Variants in HLCS observed in about 807,000 individuals in gnomAD.
HLCS encodes holocarboxylase synthetase, also known as biotin--protein ligase.
HLCS carries 53 observed loss-of-function variants against 75.0 expected under a neutral mutation model. The ratio of observed to expected loss-of-function variants is 0.71; its 90% CI spans 0.57 to 0.89. The LOEUF (loss-of-function observed/expected upper bound fraction) is 0.89, where lower values mean the gene tolerates loss of function less well. Ranked by LOEUF, HLCS falls within the 40% of genes least tolerant of loss-of-function variation. The pLI is 0.00. For missense variants in HLCS, 966 were observed against 1,074.0 expected (o/e 0.90, Z 1.41); for synonymous variants, 431 against 428.6 (o/e 1.01, Z -0.07).
At chr21:36,901,281 A>C (rs1483692734) in intron 5 of HLCS, among the ~76,000 whole-genome samples, 1 of 152,140 alleles carries the variant, frequency 6.6e-6, no homozygotes, top group African/African-American at 2.4e-5. Flanking sequence ...AATCCCTTGA[A>C]AACAATGAAT....
At chr21:36,977,966 C>G (rs1167960322) in intron 1 of HLCS, among the ~76,000 whole-genome samples, 6 of 152,200 alleles carry the variant, frequency 3.9e-5, no homozygotes, top group Non-Finnish European at 5.9e-5. Context: ...CGTGGGGAAA[C>G]TATTACACAA....
At chr21:36,815,729 G>A (rs555545578) in intron 6 of HLCS, among the ~76,000 whole-genome samples, 1 of 152,210 alleles carries the variant, frequency 6.6e-6, no homozygotes, top group East Asian at 1.9e-4. Context: ...ACAGGCACTC[G>A]CTTCACTTTC....
chr21:36,761,115 C>T (rs1386023461), intron 8 of HLCS, among the ~76,000 whole-genome samples: 1 of 152,250 alleles, frequency 6.6e-6, no homozygotes, highest in Non-Finnish European at 1.5e-5. Flanking sequence ...CATTAGTCTA[C>T]GTGTTACTCA....
At chr21:36,888,448 ATATATATATATATAT>A (rs2064603760) in intron 6 of HLCS, among the ~76,000 whole-genome samples, 336 of 26,504 alleles carry the variant, frequency 0.013, 16 homozygotes, top group African/African-American at 0.025. Context: ...AAAAAAAAAT[ATATATATATATATAT>A]ATATATATAT....
At chr21:36,844,405 T>C (rs554815486) in intron 6 of HLCS, among the ~76,000 whole-genome samples, 1 of 152,324 alleles carries the variant, frequency 6.6e-6, no homozygotes, top group African/African-American at 2.4e-5. Flanking sequence ...CTCTATACTC[T>C]GTTCAATTTT....
chr21:36,783,998 T>C (rs2060614772), intron 6 of HLCS, among the ~76,000 whole-genome samples: 3 of 152,158 alleles, frequency 2.0e-5, no homozygotes, highest in Non-Finnish European at 4.4e-5. Context: ...GGAAGGGGTA[T>C]CTTCAGCTAT....
chr21:36,902,766 G>A (rs1014070827), intron 5 of HLCS, among the ~76,000 whole-genome samples: 4 of 152,188 alleles, frequency 2.6e-5, no homozygotes, highest in African/African-American at 9.7e-5. Flanking sequence ...CCTTCCCCAG[G>A]GCAGCTGGAA....
chr21:36,776,692 C>T (rs567186878), intron 6 of HLCS, among the ~76,000 whole-genome samples: 4 of 152,272 alleles, frequency 2.6e-5, no homozygotes, highest in South Asian at 4.1e-4. Context: ...GGATTACAGG[C>T]GTGAGCCACC....
At chr21:36,837,795 G>C (rs2062465432) in intron 6 of HLCS, among the ~76,000 whole-genome samples, 1 of 152,122 alleles carries the variant, frequency 6.6e-6, no homozygotes, top group African/African-American at 2.4e-5. Context: ...TCCTGCCTGG[G>C]TGGGCTCGGT....
intron 8 of HLCS, among the ~76,000 whole-genome samples, chr21:36,760,965 C>T (rs2089817407): frequency 6.6e-6 from 1 of 152,202 alleles, no homozygotes; most frequent in Non-Finnish European, 1.5e-5. Flanking sequence ...GTAAAGGAAG[C>T]CTGTCTGGAG....
At chr21:36,843,639 C>T (rs1284297781) in intron 6 of HLCS, among the ~76,000 whole-genome samples, 1 of 152,076 alleles carries the variant, frequency 6.6e-6, no homozygotes, top group Non-Finnish European at 1.5e-5. Flanking sequence ...CTAGTGTGCG[C>T]AAAGTTATTT....
intron 6 of HLCS, among the ~76,000 whole-genome samples, chr21:36,857,641 C>G (rs980115891): frequency 1.3e-5 from 2 of 152,166 alleles, no homozygotes; most frequent in South Asian, 4.1e-4. Flanking sequence ...CTGCTCAGAG[C>G]TCCCACTCCT....
intron 6 of HLCS, among the ~76,000 whole-genome samples, chr21:36,873,861 A>G (rs1010155347): frequency 1.3e-5 from 2 of 152,218 alleles, no homozygotes; most frequent in Non-Finnish European, 2.9e-5. Context: ...TTGACCTCTC[A>G]AAATGCTGAG....
chr21:36,910,826 T>C (rs1048887618), intron 5 of HLCS, among the ~76,000 whole-genome samples: 1 of 152,166 alleles, frequency 6.6e-6, no homozygotes, highest in African/African-American at 2.4e-5. Flanking sequence ...GGTTCCACGC[T>C]GCACGGCACT....
chr21:36,918,789 A>G lies in HLCS; in HGVS notation c.1620+11462T>C, dbSNP rs142221366. On this transcript the variant is annotated intron_variant, in intron 5 of 10. Coordinates refer to ENST00000674895, the MANE Select transcript of HLCS (RefSeq NM_001352514.2). Reference sequence around the variant, plus strand: ...TAATGGGGGCTAAAATGTGGCATTCAACAAGGACACAGAAATCAACTTTGC... The same window carrying G: ...TAATGGGGGCTAAAATGTGGCATTCGACAAGGACACAGAAATCAACTTTGC... Among the ~76,000 whole-genome samples the G allele has an allele frequency of 6.7e-3, 1,014 of 152,364 alleles. 9 individuals carry two copies. Among genetic ancestry groups the G allele is most frequent in the Middle Eastern group, 0.017 (5 of 294 alleles).
intron 4 of HLCS, among the ~76,000 whole-genome samples, chr21:36,930,843 C>T (rs1015652431): frequency 6.6e-6 from 1 of 152,172 alleles, no homozygotes; most frequent in Non-Finnish European, 1.5e-5. Flanking sequence ...AAGAACGATT[C>T]CAAAGAGCCT....
In HLCS at chr21:36,966,621, G is replaced by A. The variant is rs1330999789; in HGVS notation, c.18C>T (p.Cys6=). The A allele has an allele frequency of 1.0e-6, 1 of 984,104 alleles. No homozygotes were observed. The highest frequency in any genetic ancestry group is 1.2e-6 in the Non-Finnish European group (1 of 830,032). The allele number at this position is 984,104 out of a possible 1,614,324, so 61.0% of individuals were successfully genotyped here. Residue 6 remains cysteine, a synonymous_variant, in exon 1 of 11, where the codon TGC becomes TGT. Transcript: ENST00000674895. The part of the protein sequence containing the change: MLITL[C]YLYLWARWGR... Reference sequence around the variant, plus strand: ...CCCAGCGCGCCCACAGGTACAGGTAGCACAGCGTGATGAGCATGGCCGCGC... The same window carrying A: ...CCCAGCGCGCCCACAGGTACAGGTAACACAGCGTGATGAGCATGGCCGCGC...
chr21:36,759,567 C>T (rs919204463), intron 9 of HLCS, among the ~76,000 whole-genome samples, 160 bp downstream of exon 9: 5 of 152,160 alleles, frequency 3.3e-5, no homozygotes, highest in African/African-American at 1.2e-4. Flanking sequence ...GAAGTGCTTT[C>T]GACCAATCTC....
At chr21:36,989,156 C>T (rs1403476445) in intron 1 of HLCS, among the ~76,000 whole-genome samples, 1 of 151,630 alleles carries the variant, frequency 6.6e-6, no homozygotes, top group Non-Finnish European at 1.5e-5. Context: ...CCCACCTCAG[C>T]CTCCGGAGTA....
Sources: allele counts gnomAD v4.1 joint callset (sites outside exome capture counted in the v4.1 genomes callset), GRCh38; gene constraint gnomAD v4.1.1; transcripts MANE v1.5; gene names NCBI Gene and HGNC (gene_info 2026-07-23, HGNC 2026-07-21).